Variants in AACS observed in about 807,000 individuals in gnomAD.
The protein encoded by AACS is acetoacetyl-CoA synthetase, also known as acetoacetate-CoA ligase.
AACS carries 69 observed loss-of-function variants against 83.1 expected under a neutral mutation model. The ratio of observed to expected loss-of-function variants is 0.83; its 90% confidence interval spans 0.68 to 1.01. The LOEUF (loss-of-function observed/expected upper bound fraction) is 1.01, where lower values mean the gene tolerates loss of function less well. Among genes scored for constraint, AACS ranks in the 50% least tolerant of loss-of-function variants. The pLI, the probability that AACS is intolerant of heterozygous loss-of-function variation, is 0.00. For synonymous variants in AACS, 333 were observed against 343.4 expected (o/e 0.97, Z 0.33); for missense variants, 866 against 882.2 (o/e 0.98, Z 0.23).
At position 125,125,036 on chromosome 12, in the gene AACS, G is replaced by C; in HGVS notation, c.1309+12G>C. Reference sequence around the variant, plus strand: ...GGGCTCCATCTCAGGTATGGCCCCGGTGGGGACAGTCCTTCCAGCCATCCC... The same window carrying C: ...GGGCTCCATCTCAGGTATGGCCCCGCTGGGGACAGTCCTTCCAGCCATCCC... On this transcript the variant is annotated intron_variant, in intron 12 of 17. Coordinates refer to ENST00000316519, the MANE Select transcript of AACS (RefSeq NM_023928.5). The C allele has an allele frequency of 6.2e-7, 1 of 1,614,014 alleles. No individual in the cohort carries two copies. The highest frequency in any genetic ancestry group is 8.5e-7 in the Non-Finnish European group (1 of 1,180,002).
At chr12:125,128,373 A>C in intron 13 of AACS, 99 bp downstream of exon 13, 1 of 1,103,636 alleles carries the variant, frequency 9.1e-7, no homozygotes, top group African/African-American at 1.6e-5. Context: ...GTTCTCCAAA[A>C]CAGCCCTCGG....
intron 12 of AACS, chr12:125,125,985 C>T (rs1349185211): frequency 1.4e-5 from 2 of 145,292 alleles, no homozygotes; most frequent in Non-Finnish European, 3.0e-5. Context: ...GAGGTAGAGT[C>T]TTGCTCTGTC....
chr12:125,122,642 CA>C (rs35772576), intron 10 of AACS: 90 of 84,950 alleles, frequency 1.1e-3, no homozygotes, highest in South Asian at 1.8e-3. Context: ...GACTCCATCT[CA>C]AAAAAAAAAA....
intron 2 of AACS, among the ~76,000 whole-genome samples, chr12:125,075,969 G>A (rs1956011128): frequency 1.3e-5 from 2 of 152,182 alleles, no homozygotes; most frequent in Non-Finnish European, 2.9e-5. Flanking sequence ...TAAATATCGG[G>A]AAAAAGGGAG....
At chr12:125,110,025 T>A (rs1292113844) in intron 8 of AACS, among the ~76,000 whole-genome samples, 1 of 65,554 alleles carries the variant, frequency 1.5e-5, no homozygotes, top group African/African-American at 6.0e-5. Flanking sequence ...GGTGCTTTGC[T>A]TTTTTTTTTT....
At chr12:125,099,682 C>G (rs1030519735) in intron 5 of AACS, among the ~76,000 whole-genome samples, 1 of 152,088 alleles carries the variant, frequency 6.6e-6, no homozygotes, top group East Asian at 1.9e-4. Context: ...GTTAGGTTTC[C>G]TTTTTTGTTT....
At chr12:125,135,457 A>C (rs1036016964) in intron 16 of AACS, among the ~76,000 whole-genome samples, 1 of 152,140 alleles carries the variant, frequency 6.6e-6, no homozygotes, top group Admixed American at 6.5e-5. Flanking sequence ...AGGATTGCTG[A>C]AGGTCACACA....
intron 10 of AACS, chr12:125,123,656 A>G (rs927997521): frequency 6.6e-6 from 1 of 152,282 alleles, no homozygotes; most frequent in Admixed American, 6.5e-5. Context: ...AGCGAATGCT[A>G]TGACGGTCTT....
Position 125,129,459 on chromosome 12 carries a change from A to T in AACS, c.1548A>T (p.Pro516=). 13 of 1,613,028 alleles carry T rather than the reference A, an allele frequency of 8.1e-6. No individual in the cohort carries two copies. The highest frequency in any genetic ancestry group is 1.1e-5 in the Non-Finnish European group (13 of 1,179,444). ...GGAAGGCGTATTTCTCCAAATTCCC[A>T]GGTCGGTTGGAGAGATGCAGACAGA... ...KYRKAYFSKF[P]GIWAHGDYCR... is the part of the protein sequence containing the mutation. The change falls in exon 14 of 18, where the codon CCA becomes CCT. Residue 516 remains proline, a splice_region_variant and synonymous_variant. Coordinates refer to ENST00000316519, the MANE Select transcript of AACS (RefSeq NM_023928.5). This position sits in a 1 kb window ranked among gnomAD's most constrained non-coding sequence, Gnocchi z 4.3.
intron 10 of AACS, among the ~76,000 whole-genome samples, chr12:125,119,644 C>T (rs1430475931): frequency 3.9e-5 from 6 of 152,288 alleles, no homozygotes; most frequent in African/African-American, 7.2e-5. Context: ...GAGAACAACT[C>T]GGGAAAAACC....
chr12:125,091,349 C>T (rs1394958547), intron 4 of AACS, 77 bp from the exon 5 acceptor site: 2 of 1,464,514 alleles, frequency 1.4e-6, no homozygotes, highest in East Asian at 2.3e-5. Context: ...GACCTTGGCT[C>T]TCAGAGAAAC....
intron 8 of AACS, 152 bp from the exon 9 acceptor site, chr12:125,114,325 A>G: frequency 1.7e-6 from 1 of 583,932 alleles, no homozygotes; most frequent in East Asian, 3.1e-5. Flanking sequence ...GAGTGGGGGG[A>G]ACCCTCCAAA....
intron 5 of AACS, among the ~76,000 whole-genome samples, chr12:125,092,114 C>T (rs111803979): frequency 0.013 from 1,982 of 152,308 alleles, 47 homozygotes; most frequent in African/African-American, 0.045. Flanking sequence ...GGTCTTTCCA[C>T]GGGGCAAATG....
chr12:125,130,966 C>T lies in AACS; in HGVS notation c.1549+1506C>T, dbSNP rs1957321567. Among the ~76,000 whole-genome samples the T allele has an allele frequency of 6.6e-6, 1 of 152,162 alleles. No homozygotes were observed. The highest frequency in any genetic ancestry group is 1.5e-5 in the Non-Finnish European group (1 of 68,034). ...GGTGAACATAGGCTGCACTTAGACC[C>T]TTCCTCAAGCACCAGCGCTGAGAGA... is the stretch of plus-strand genomic sequence containing the variant. On this transcript the variant is annotated intron_variant, in intron 14 of 17. Transcript: ENST00000316519. This position sits in a 1 kb window ranked among gnomAD's most constrained non-coding sequence, Gnocchi z 4.9.
At chr12:125,067,620 G>A (rs1459436297) in intron 1 of AACS, among the ~76,000 whole-genome samples, 1 of 151,708 alleles carries the variant, frequency 6.6e-6, no homozygotes, top group Non-Finnish European at 1.5e-5. Context: ...TGCAACCTCT[G>A]CCTCCTGGGT....
chr12:125,133,488 C>T (rs1253422030), intron 14 of AACS, among the ~76,000 whole-genome samples: 1 of 152,226 alleles, frequency 6.6e-6, no homozygotes, highest in African/African-American at 2.4e-5. Context: ...CTAATCGGCT[C>T]TCTGTCCATG....
chr12:125,109,130 C>CTTTTG (rs998289624), intron 8 of AACS, among the ~76,000 whole-genome samples: 9 of 151,886 alleles, frequency 5.9e-5, no homozygotes, highest in Non-Finnish European at 8.8e-5. Flanking sequence ...TTTCAACGTC[C>CTTTTG]TTTTGTTTTG....
At chr12:125,112,174 C>G (rs1190045661) in intron 8 of AACS, among the ~76,000 whole-genome samples, 2 of 152,112 alleles carry the variant, frequency 1.3e-5, no homozygotes, top group Admixed American at 1.3e-4. Flanking sequence ...CAAATTATTG[C>G]CTACCCACTG....
intron 16 of AACS, among the ~76,000 whole-genome samples, chr12:125,135,190 G>A (rs1314460568): frequency 1.3e-5 from 2 of 151,074 alleles, no homozygotes; most frequent in Non-Finnish European, 3.0e-5. Context: ...GCTGGAGCGC[G>A]ATCTTGGCTC....
Sources: allele counts gnomAD v4.1 joint callset (sites outside exome capture counted in the v4.1 genomes callset), GRCh38; gene constraint gnomAD v4.1.1; non-coding constraint Gnocchi (gnomAD v3.1); transcripts MANE v1.5; gene names NCBI Gene and HGNC (gene_info 2026-07-23, HGNC 2026-07-21).